Variants in KCNMA1 observed in about 807,000 individuals in gnomAD.
The protein encoded by KCNMA1 is potassium calcium-activated channel subfamily M alpha 1, also known as Calcium-activated potassium channel subunit alpha-1.
Under a neutral mutation model 140.0 loss-of-function variants are expected in KCNMA1, and 29 were observed. The observed-to-expected ratio is 0.21, with a 90% confidence interval of 0.15 to 0.28. The LOEUF (loss-of-function observed/expected upper bound fraction) is 0.28. KCNMA1 is among the 10% of genes least tolerant of loss of function. The pLI is 1.00. For missense variants in KCNMA1, 880 were observed against 1,602.2 expected (o/e 0.55, Z 7.70); for synonymous variants, 612 against 611.9 (o/e 1.00, Z 0.00).
intron 1 of KCNMA1, among the ~76,000 whole-genome samples, chr10:77,582,485 C>G (rs535131398): frequency 1.3e-5 from 2 of 152,186 alleles, no homozygotes; most frequent in Non-Finnish European, 2.9e-5. Context: ...ACCTAGATGA[C>G]GGGTTGATGG....
intron 1 of KCNMA1, among the ~76,000 whole-genome samples, chr10:77,472,819 A>G (rs2098194402): frequency 6.6e-6 from 1 of 152,228 alleles, no homozygotes; most frequent in Non-Finnish European, 1.5e-5. Context: ...TCCACCCTTC[A>G]AACAACAAAG....
chr10:76,872,057 G>GGGGAA (rs1371071486), exon 28 of KCNMA1: 2 of 152,206 alleles, frequency 1.3e-5, no homozygotes, highest in Admixed American at 1.3e-4. Flanking sequence ...CTATTTGGCA[G>GGGGAA]TTCTGGACTA....
intron 25 of KCNMA1, among the ~76,000 whole-genome samples, chr10:76,895,877 G>A (rs2042284094): frequency 6.6e-6 from 1 of 152,168 alleles, no homozygotes; most frequent in Non-Finnish European, 1.5e-5. Context: ...TTTTCAAAGG[G>A]GAGGGAGTGT....
chr10:77,053,605 C>A (rs747196116), intron 14 of KCNMA1, among the ~76,000 whole-genome samples: 1 of 152,190 alleles, frequency 6.6e-6, no homozygotes, highest in Non-Finnish European at 1.5e-5. Flanking sequence ...CAGTCATTTA[C>A]AAAAGTGTTG....
intron 1 of KCNMA1, among the ~76,000 whole-genome samples, chr10:77,511,463 C>T (rs992271135): frequency 2.6e-5 from 4 of 152,310 alleles, no homozygotes; most frequent in East Asian, 1.9e-4. Flanking sequence ...GAAAAGAGCA[C>T]GTTTGCAAGT....
intron 7 of KCNMA1, among the ~76,000 whole-genome samples, chr10:77,111,587 G>A (rs1490718549): frequency 6.6e-6 from 1 of 152,156 alleles, no homozygotes; most frequent in African/African-American, 2.4e-5. Context: ...ACTACGTGAG[G>A]CCCCATGCCC....
intron 2 of KCNMA1, among the ~76,000 whole-genome samples, chr10:77,339,373 C>T (rs750007102): frequency 5.3e-4 from 80 of 152,306 alleles, no homozygotes; most frequent in Middle Eastern, 3.4e-3. Flanking sequence ...TGCTGCCTTT[C>T]CTGGGATGTC....
At chr10:76,889,741 C>T (rs1001293301) in intron 26 of KCNMA1, 172 bp from the exon 27 acceptor site, 2 of 677,818 alleles carry the variant, frequency 3.0e-6, no homozygotes, top group African/African-American at 3.6e-5. Context: ...ACAGACTACA[C>T]CCAATATGTG....
intron 2 of KCNMA1, among the ~76,000 whole-genome samples, chr10:77,312,594 CCA>C: frequency 6.6e-6 from 1 of 152,264 alleles, no homozygotes; most frequent in East Asian, 1.9e-4. Context: ...ACACTGCACT[CCA>C]GTTTGGGCAA....
chr10:76,921,898 G>A (rs2055943164), intron 23 of KCNMA1, among the ~76,000 whole-genome samples: 2 of 152,136 alleles, frequency 1.3e-5, no homozygotes, highest in Non-Finnish European at 2.9e-5. Context: ...CTAGAATCCA[G>A]AGTCAGGAAG....
intron 1 of KCNMA1, among the ~76,000 whole-genome samples, chr10:77,449,488 C>T (rs1397743139): frequency 1.7e-5 from 2 of 120,614 alleles, no homozygotes; most frequent in South Asian, 2.9e-4. Context: ...AAAGAGTAGA[C>T]ATCTTTGGAG....
chr10:77,390,528 C>G (rs1051438922), intron 2 of KCNMA1, among the ~76,000 whole-genome samples: 2 of 152,180 alleles, frequency 1.3e-5, no homozygotes, highest in Non-Finnish European at 2.9e-5. Context: ...CATGCAGGTG[C>G]CTCAGGGATT....
intron 1 of KCNMA1, among the ~76,000 whole-genome samples, chr10:77,590,584 C>G (rs2078799371): frequency 6.6e-6 from 1 of 152,244 alleles, no homozygotes. Context: ...CACACCTCCC[C>G]GCAAGCTGAG....
At chr10:77,258,037 C>G (rs1346343856) in intron 2 of KCNMA1, among the ~76,000 whole-genome samples, 1 of 152,162 alleles carries the variant, frequency 6.6e-6, no homozygotes, top group African/African-American at 2.4e-5. Context: ...GTGTGAATCT[C>G]CACTCTGCCC....
At chr10:76,992,213 G>T (rs1240073753) in intron 19 of KCNMA1, among the ~76,000 whole-genome samples, 2 of 152,150 alleles carry the variant, frequency 1.3e-5, no homozygotes, top group African/African-American at 4.8e-5. Flanking sequence ...ATGACCAAAT[G>T]AGATGGTCTG....
chr10:77,200,580 C>G (rs376265674), intron 3 of KCNMA1, among the ~76,000 whole-genome samples: 4 of 152,100 alleles, frequency 2.6e-5, no homozygotes, highest in African/African-American at 9.6e-5. Flanking sequence ...ACCACGGCCC[C>G]CATGTCTATT....
chr10:77,577,046 A>G (rs2074362193), intron 1 of KCNMA1, among the ~76,000 whole-genome samples: 1 of 152,124 alleles, frequency 6.6e-6, no homozygotes, highest in African/African-American at 2.4e-5. Context: ...GTAGCATGCC[A>G]AACAGGAGGT....
At chr10:77,444,802 C>T (rs1385794104) in intron 1 of KCNMA1, among the ~76,000 whole-genome samples, 2 of 152,154 alleles carry the variant, frequency 1.3e-5, no homozygotes, top group African/African-American at 2.4e-5. Context: ...TGGATTCCCC[C>T]ACCGAGCAAG....
intron 1 of KCNMA1, among the ~76,000 whole-genome samples, chr10:77,564,155 A>C (rs765947531): frequency 6.6e-6 from 1 of 152,250 alleles, no homozygotes; most frequent in African/African-American, 2.4e-5. Context: ...AGAGAAGAAC[A>C]GAGATGAGGA....
Sources: gnomAD v4.1 joint callset for allele counts (sites outside exome capture counted in the v4.1 genomes callset) on GRCh38, gnomAD v4.1.1 for gene constraint, MANE v1.5 for transcripts, NCBI Gene and HGNC (gene_info 2026-07-23, HGNC 2026-07-21) for gene names.